NCAM2: variants seen among roughly 807,000 people sequenced by gnomAD.
The protein encoded by NCAM2 is neural cell adhesion molecule 2.
NCAM2 carries 30 observed loss-of-function variants against 98.1 expected under a neutral mutation model. The ratio of observed to expected loss-of-function variants is 0.31; its 90% CI spans 0.23 to 0.41. The LOEUF is 0.41. NCAM2 is among the 10% of genes least tolerant of loss of function. The probability of loss-of-function intolerance (pLI) is 1.00; values close to 1 mark genes in which losing one functional copy is unlikely to be tolerated. For missense variants in NCAM2, 867 were observed against 1,005.8 expected, an observed-to-expected ratio of 0.86 and a Z score of 1.87; for synonymous variants, 368 against 342.4, an observed-to-expected ratio of 1.07 and a Z score of -0.83.
At chr21:21,265,507 G>GTATATATAT (rs1408645093) in intron 1 of NCAM2, among the ~76,000 whole-genome samples, 1 of 140,644 alleles carries the variant, frequency 7.1e-6, no homozygotes, top group Admixed American at 7.4e-5. Context: ...ATATATGTGT[G>GTATATATAT]TATATATACA....
intron 1 of NCAM2, among the ~76,000 whole-genome samples, chr21:21,032,293 A>G (rs754900243): frequency 1.3e-5 from 2 of 152,230 alleles, no homozygotes; most frequent in African/African-American, 4.8e-5. Context: ...TTTATTATTT[A>G]GTAAGTAAAT....
At chr21:21,402,593 T>C (rs1026053347) in intron 9 of NCAM2, among the ~76,000 whole-genome samples, 4 of 152,294 alleles carry the variant, frequency 2.6e-5, no homozygotes, top group African/African-American at 9.6e-5. Flanking sequence ...GCTCTGCTTT[T>C]TGCCTCTTGA....
chr21:21,471,799 C>T (rs1035199746), intron 14 of NCAM2, among the ~76,000 whole-genome samples: 9 of 151,990 alleles, frequency 5.9e-5, no homozygotes, highest in African/African-American at 2.2e-4. Context: ...CCAGGAAACA[C>T]CATTATTCTG....
intron 4 of NCAM2, 119 bp from the exon 5 acceptor site, chr21:21,291,985 G>C: frequency 1.2e-6 from 1 of 861,780 alleles, no homozygotes. Context: ...GAATTTGTTT[G>C]CTGATGAAAA....
chr21:21,056,161 A>AATGCTACATAGTACTG (rs2065205887), intron 1 of NCAM2, among the ~76,000 whole-genome samples: 1 of 152,078 alleles, frequency 6.6e-6, no homozygotes, highest in South Asian at 2.1e-4. Flanking sequence ...ATATATTAGA[A>AATGCTACATAGTACTG]ATGCTACATA....
intron 1 of NCAM2, among the ~76,000 whole-genome samples, chr21:21,231,862 TC>T (rs1391212523): frequency 4.0e-5 from 6 of 151,604 alleles, no homozygotes; most frequent in African/African-American, 7.2e-5. Context: ...TATAATTACC[TC>T]TTTACATAAT....
intron 16 of NCAM2, among the ~76,000 whole-genome samples, chr21:21,529,208 C>CTTTA (rs1569140962): frequency 1.3e-5 from 2 of 151,912 alleles, no homozygotes; most frequent in African/African-American, 4.8e-5. Context: ...CATGAATACC[C>CTTTA]GCTCCTCAAT....
chr21:21,071,628 G>A (rs1470188333), intron 1 of NCAM2, among the ~76,000 whole-genome samples: 1 of 152,120 alleles, frequency 6.6e-6, no homozygotes, highest in African/African-American at 2.4e-5. Context: ...AATAAAGTTA[G>A]AAGTGAAAAT....
chr21:21,263,261 A>AC (rs2071992244), intron 1 of NCAM2, among the ~76,000 whole-genome samples: 2 of 152,214 alleles, frequency 1.3e-5, no homozygotes, highest in East Asian at 3.9e-4. Context: ...TACAACTGCC[A>AC]CAAAAAATAA....
chr21:21,477,222 T>C, intron 14 of NCAM2, 69 bp from the exon 15 acceptor site: 2 of 1,219,734 alleles, frequency 1.6e-6, no homozygotes, highest in East Asian at 2.6e-5. Flanking sequence ...AATTCCAATA[T>C]AATTTTTTTA....
intron 1 of NCAM2, among the ~76,000 whole-genome samples, chr21:21,009,155 T>C (rs1350013029): frequency 6.6e-6 from 1 of 152,170 alleles, no homozygotes; most frequent in Non-Finnish European, 1.5e-5. Context: ...AAATATGTGC[T>C]GAATGCATAT....
At chr21:21,176,197 C>G (rs1048427140) in intron 1 of NCAM2, among the ~76,000 whole-genome samples, 1 of 152,170 alleles carries the variant, frequency 6.6e-6, no homozygotes, top group Non-Finnish European at 1.5e-5. Flanking sequence ...ATTTGTATTA[C>G]TGTGTTACCA....
intron 1 of NCAM2, among the ~76,000 whole-genome samples, chr21:21,109,726 A>G (rs2066418692): frequency 1.3e-5 from 2 of 152,092 alleles, no homozygotes; most frequent in Non-Finnish European, 1.5e-5. Context: ...TTACAATAGT[A>G]TTTTCTGTTT....
At chr21:21,531,598 C>T (rs1808307141) in intron 16 of NCAM2, among the ~76,000 whole-genome samples, 1 of 151,962 alleles carries the variant, frequency 6.6e-6, no homozygotes, top group Non-Finnish European at 1.5e-5. Flanking sequence ...ATAGTAAGTT[C>T]TAAAATATGG....
intron 5 of NCAM2, among the ~76,000 whole-genome samples, chr21:21,314,224 G>A (rs1458087645): frequency 6.6e-6 from 1 of 152,094 alleles, no homozygotes; most frequent in Non-Finnish European, 1.5e-5. Context: ...GGTAGAAATT[G>A]TAATAGTTTT....
chr21:21,426,681 C>T (rs1329264357), intron 11 of NCAM2, among the ~76,000 whole-genome samples: 2 of 152,112 alleles, frequency 1.3e-5, no homozygotes, highest in Non-Finnish European at 2.9e-5. Context: ...ATGGGGAGTT[C>T]GGATGCTACT....
At chr21:21,052,143 G>A (rs1023041142) in intron 1 of NCAM2, among the ~76,000 whole-genome samples, 21 of 138,102 alleles carry the variant, frequency 1.5e-4, no homozygotes, top group Admixed American at 1.2e-3. Context: ...TCAAACTCAT[G>A]ATGGCCATTT....
chr21:21,024,392 A>G (rs918037878), intron 1 of NCAM2, among the ~76,000 whole-genome samples: 53 of 148,014 alleles, frequency 3.6e-4, no homozygotes, highest in East Asian at 2.5e-3. Context: ...CTGGGGGGGG[A>G]AAAAACAGAG....
intron 8 of NCAM2, among the ~76,000 whole-genome samples, chr21:21,346,772 G>C (rs941386013): frequency 2.0e-5 from 3 of 152,008 alleles, no homozygotes; most frequent in Non-Finnish European, 2.9e-5. Flanking sequence ...GCTCCTGAAT[G>C]ACCAGTGTGT....
Sources: allele counts gnomAD v4.1 joint callset (sites outside exome capture counted in the v4.1 genomes callset), GRCh38; gene constraint gnomAD v4.1.1; transcripts MANE v1.5; gene names NCBI Gene and HGNC (gene_info 2026-07-23, HGNC 2026-07-21).